Variants in CA10 observed in about 807,000 individuals in gnomAD.
The protein encoded by CA10 is carbonic anhydrase 10 (inactive).
In CA10, 14 loss-of-function variants were observed where a neutral mutation model predicts 44.2. That is an observed-to-expected ratio of 0.32 (90% confidence interval 0.21 to 0.50). CA10 has a LOEUF of 0.50. Ranked by LOEUF, CA10 falls within the 20% of genes least tolerant of loss-of-function variation. CA10 has a pLI of 0.99. For synonymous variants in CA10, 159 were observed against 141.6 expected, an observed-to-expected ratio of 1.12 and a Z score of -0.87; for missense variants, 350 against 409.7, an observed-to-expected ratio of 0.85 and a Z score of 1.26.
intron 3 of CA10, among the ~76,000 whole-genome samples, chr17:51,850,941 C>T (rs1014067914): frequency 7.2e-5 from 11 of 152,166 alleles, no homozygotes; most frequent in African/African-American, 2.4e-4. Flanking sequence ...TATGGAGATC[C>T]TTTGGGAATT....
intron 1 of CA10, among the ~76,000 whole-genome samples, chr17:52,109,998 C>T (rs567145228): frequency 6.6e-6 from 1 of 152,272 alleles, no homozygotes; most frequent in African/African-American, 2.4e-5. Flanking sequence ...GCTTATATAA[C>T]TGTGCATGCT....
At chr17:51,916,851 A>G (rs1982019512) in intron 3 of CA10, among the ~76,000 whole-genome samples, 1 of 152,176 alleles carries the variant, frequency 6.6e-6, no homozygotes. Flanking sequence ...TACAGGGCAC[A>G]GGCAGTTCCG....
At chr17:51,658,147 A>G (rs1202438313) in intron 4 of CA10, among the ~76,000 whole-genome samples, 2 of 152,186 alleles carry the variant, frequency 1.3e-5, no homozygotes, top group Non-Finnish European at 1.5e-5. Flanking sequence ...GATGCAGTGC[A>G]TTCTCTATAT....
intron 6 of CA10, among the ~76,000 whole-genome samples, chr17:51,646,431 G>A (rs1215871248): frequency 1.3e-5 from 2 of 152,162 alleles, no homozygotes. Context: ...GTTCTGGGTA[G>A]CAACAGTAGA....
chr17:51,673,270 C>T (rs1240763352), intron 4 of CA10, among the ~76,000 whole-genome samples: 1 of 152,094 alleles, frequency 6.6e-6, no homozygotes, highest in East Asian at 1.9e-4. Flanking sequence ...AGGGATGGCC[C>T]CAGGCAATTC....
At chr17:51,975,754 T>C (rs1039887019) in intron 2 of CA10, among the ~76,000 whole-genome samples, 2 of 151,202 alleles carry the variant, frequency 1.3e-5, no homozygotes, top group African/African-American at 4.9e-5. Flanking sequence ...TCCCAGCTAC[T>C]GAGGAGGCTA....
chr17:51,836,558 G>A (rs569439858), intron 3 of CA10, among the ~76,000 whole-genome samples: 1 of 152,272 alleles, frequency 6.6e-6, no homozygotes, highest in South Asian at 2.1e-4. Flanking sequence ...TCCCCCACTC[G>A]CCTGTGGGGA....
At chr17:52,104,889 A>G (rs1353501365) in intron 1 of CA10, among the ~76,000 whole-genome samples, 2 of 152,138 alleles carry the variant, frequency 1.3e-5, no homozygotes, top group Non-Finnish European at 1.5e-5. Context: ...TAAAGCTTAG[A>G]TTAATTAACA....
In CA10 at chr17:51,662,820, C is replaced by T. The variant is rs562472444; in HGVS notation, c.466-9084G>A. On this transcript the variant is annotated intron_variant, in intron 4 of 8. Coordinates refer to ENST00000451037, the MANE Select transcript of CA10 (RefSeq NM_020178.5). ...AGATCCCCAAATGTGGTCTGGCTAT[C>T]ATACCAACCTAGAAAACCAGCATGG... Among the ~76,000 whole-genome samples the T allele has an allele frequency of 3.9e-5, 6 of 152,312 alleles. No individual in the cohort carries two copies. In the East Asian group the frequency reaches 1.2e-3, roughly 29 times the overall value.
At chr17:51,955,295 T>A (rs985649242) in intron 2 of CA10, among the ~76,000 whole-genome samples, 1 of 152,128 alleles carries the variant, frequency 6.6e-6, no homozygotes. Context: ...TCTACCATCC[T>A]TCAGAATGCT....
intron 2 of CA10, among the ~76,000 whole-genome samples, chr17:52,007,761 G>A (rs1211821231): frequency 6.6e-6 from 1 of 150,734 alleles, no homozygotes; most frequent in Non-Finnish European, 1.5e-5. Flanking sequence ...AAATGAATTG[G>A]GTAGCATTCT....
intron 6 of CA10, among the ~76,000 whole-genome samples, chr17:51,640,207 C>T (rs1913023677): frequency 6.6e-6 from 1 of 152,150 alleles, no homozygotes; most frequent in African/African-American, 2.4e-5. Context: ...GTAAACACTG[C>T]TCGAATGAAC....
intron 3 of CA10, among the ~76,000 whole-genome samples, chr17:51,807,346 A>G (rs924872853): frequency 6.6e-6 from 1 of 152,228 alleles, no homozygotes; most frequent in African/African-American, 2.4e-5. Flanking sequence ...TTTAGTCAGA[A>G]GGCCATGCAT....
chr17:52,088,244 A>G (rs529774032), intron 1 of CA10, among the ~76,000 whole-genome samples: 4 of 152,294 alleles, frequency 2.6e-5, no homozygotes, highest in African/African-American at 9.6e-5. Context: ...TTAAAAAAAA[A>G]GTCATAAAAG....
At chr17:51,910,360 C>T (rs978358374) in intron 3 of CA10, among the ~76,000 whole-genome samples, 2 of 152,150 alleles carry the variant, frequency 1.3e-5, no homozygotes, top group South Asian at 2.1e-4. Flanking sequence ...CAGCTGATGT[C>T]CCTCTTCTGA....
At chr17:52,124,907 C>A (rs1038176886) in intron 1 of CA10, among the ~76,000 whole-genome samples, 1 of 152,218 alleles carries the variant, frequency 6.6e-6, no homozygotes, top group Non-Finnish European at 1.5e-5. Flanking sequence ...TTCTACATGG[C>A]AGTCAAGGCC....
At chr17:51,938,884 T>C (rs1030382769) in intron 2 of CA10, among the ~76,000 whole-genome samples, 2 of 152,084 alleles carry the variant, frequency 1.3e-5, no homozygotes, top group Non-Finnish European at 2.9e-5. Context: ...CTTTCTAAGG[T>C]CACCTGGCCA....
chr17:51,766,031 AG>A (rs980594399), intron 3 of CA10, among the ~76,000 whole-genome samples: 5 of 152,150 alleles, frequency 3.3e-5, no homozygotes, highest in Non-Finnish European at 5.9e-5. Context: ...GGGCAGCAAA[AG>A]GGTTCAGGAA....
At chr17:51,726,730 T>C (rs1347657559) in intron 4 of CA10, among the ~76,000 whole-genome samples, 2 of 152,226 alleles carry the variant, frequency 1.3e-5, no homozygotes, top group Non-Finnish European at 2.9e-5. Flanking sequence ...GCATATTCTA[T>C]ATATATTCTG....
Sources: allele counts gnomAD v4.1 joint callset (sites outside exome capture counted in the v4.1 genomes callset), GRCh38; gene constraint gnomAD v4.1.1; transcripts MANE v1.5; gene names NCBI Gene and HGNC (gene_info 2026-07-23, HGNC 2026-07-21).